Variants in SMG6 observed in about 807,000 individuals in gnomAD.
SMG6 encodes the protein SMG6 nonsense mediated mRNA decay factor, also known as telomerase-binding protein EST1A.
A neutral mutation model predicts 142.2 loss-of-function variants in SMG6; 66 were observed. The ratio of observed to expected loss-of-function variants is 0.46; its 90% CI spans 0.38 to 0.57. SMG6 has a LOEUF of 0.57. Among genes scored for constraint, SMG6 ranks in the 20% least tolerant of loss-of-function variants. The probability of loss-of-function intolerance (pLI) is 0.00; values close to 1 mark genes in which losing one functional copy is unlikely to be tolerated. For missense variants in SMG6, 1,793 were observed against 1,832.0 expected, an observed-to-expected ratio of 0.98 and a Z score of 0.39; for synonymous variants, 779 against 702.4, an observed-to-expected ratio of 1.11 and a Z score of -1.72.
chr17:2,188,613 G>A (rs570702209), intron 10 of SMG6, 98 bp from the exon 11 acceptor site: 2 of 1,001,230 alleles, frequency 2.0e-6, no homozygotes, highest in East Asian at 2.5e-5. Flanking sequence ...GAAGACTAGG[G>A]CTAGTGATAT....
intron 5 of SMG6, 22 bp downstream of exon 5, chr17:2,292,849 A>T: frequency 6.3e-7 from 1 of 1,598,860 alleles, no homozygotes; most frequent in African/African-American, 1.3e-5. Context: ...GAAGAGAAAT[A>T]ACGAAGCAGA....
intron 8 of SMG6, among the ~76,000 whole-genome samples, chr17:2,277,132 C>CATTTATTTATTT (rs3054906): frequency 1.5e-5 from 2 of 133,834 alleles, no homozygotes; most frequent in African/African-American, 5.4e-5. Context: ...AGTATTTACA[C>CATTTATTTATTT]ATTTATTTAT....
chr17:2,109,582 A>G (rs1381926385), intron 13 of SMG6, among the ~76,000 whole-genome samples: 1 of 152,148 alleles, frequency 6.6e-6, no homozygotes, highest in East Asian at 1.9e-4. Context: ...TCTTTATTAA[A>G]TATTTTCAAG....
chr17:2,061,943 T>G, intron 18 of SMG6: 1 of 233,014 alleles, frequency 4.3e-6, no homozygotes, highest in Non-Finnish European at 8.6e-6. Flanking sequence ...CCTTGACCTC[T>G]ACTCCTTTTT....
At chr17:2,215,572 C>G (rs923413251) in intron 10 of SMG6, 1 of 152,104 alleles carries the variant, frequency 6.6e-6, no homozygotes, top group Admixed American at 6.6e-5. Flanking sequence ...TAGTTTGATA[C>G]TGATGTCAAC....
intron 4 of SMG6, among the ~76,000 whole-genome samples, chr17:2,294,697 C>T (rs1165398125): frequency 2.6e-5 from 4 of 152,142 alleles, no homozygotes; most frequent in Non-Finnish European, 5.9e-5. Context: ...TAACCCTTTA[C>T]AGTATACACC....
intron 8 of SMG6, among the ~76,000 whole-genome samples, chr17:2,262,588 T>C (rs1305696014): frequency 6.6e-6 from 1 of 152,206 alleles, no homozygotes; most frequent in Non-Finnish European, 1.5e-5. Context: ...CTACCTAAAA[T>C]ACTTCTTTGA....
At chr17:2,237,130 C>T (rs1880493192) in intron 9 of SMG6, 1 of 151,190 alleles carries the variant, frequency 6.6e-6, no homozygotes, top group South Asian at 2.1e-4. Context: ...TTTTTTCGCC[C>T]AATCTCGGCT....
At chr17:2,107,752 CAGAG>C (rs147360965) in intron 13 of SMG6, among the ~76,000 whole-genome samples, 3 of 151,584 alleles carry the variant, frequency 2.0e-5, no homozygotes, top group Non-Finnish European at 2.9e-5. Context: ...TGGATGGGGC[CAGAG>C]AGAGAGAGAA....
chr17:2,145,771 A>G (rs1055814386), intron 13 of SMG6, among the ~76,000 whole-genome samples: 1 of 152,096 alleles, frequency 6.6e-6, no homozygotes, highest in Non-Finnish European at 1.5e-5. Context: ...CACAGAGAGG[A>G]AAATCCATTC....
chr17:2,297,274 A>G lies in SMG6; in HGVS notation c.2120T>C (p.Leu707Pro). The change falls in exon 4 of 19, where the codon CTT becomes CCT. Residue 707 changes from leucine (L) to proline (P), a missense_variant. Transcript: ENST00000263073. ...GCGTAATGGCTTGCTGCGAATGGCA[A>G]GACCATCCATGTAGTCTTCCAGTTT... Reference protein sequence around the residue: ...KFKLEDYMDGLAIRSKPLRKT... With the variant: ...KFKLEDYMDGPAIRSKPLRKT... The G allele has an allele frequency of 6.2e-7, 1 of 1,611,018 alleles. No individual in the cohort carries two copies. The highest frequency in any genetic ancestry group is 8.5e-7 in the Non-Finnish European group (1 of 1,178,938).
In SMG6 at chr17:2,088,421, C is replaced by T. The variant is rs560463634; in HGVS notation, c.3358-2520G>A. 10 of 985,326 alleles carry T rather than the reference C, an allele frequency of 1.0e-5. No individual in the cohort carries two copies. In the African/African-American group the frequency reaches 1.7e-4, roughly 17 times the overall value. 61.0% of individuals were successfully genotyped at this position (985,326 alleles called of 1,614,324 possible). On this transcript the variant is annotated intron_variant, in intron 13 of 18. Transcript: ENST00000263073. ...ATGGACACAAGCAACGAGGAGTAGCCCTCTCCCAGTTTTCATTTCCGCCCC... is the reference window on the plus strand; with the variant it reads ...ATGGACACAAGCAACGAGGAGTAGCTCTCTCCCAGTTTTCATTTCCGCCCC...
At chr17:2,302,049 T>G (rs574247716) in intron 1 of SMG6, among the ~76,000 whole-genome samples, 11 of 145,320 alleles carry the variant, frequency 7.6e-5, no homozygotes, top group African/African-American at 2.6e-4. Context: ...GGCCAGGAGT[T>G]CGAGATCAGC....
At chr17:2,241,875 A>G in intron 9 of SMG6, among the ~76,000 whole-genome samples, 1 of 152,328 alleles carries the variant, frequency 6.6e-6, no homozygotes. Context: ...TTATTCCCAA[A>G]AGTCTCTAAC....
At chr17:2,144,302 G>C (rs534381330) in intron 13 of SMG6, among the ~76,000 whole-genome samples, 1 of 152,064 alleles carries the variant, frequency 6.6e-6, no homozygotes, top group East Asian at 1.9e-4. Context: ...CCTGACTTCA[G>C]GTGATCTGCC....
chr17:2,298,435 T>C (rs192930153), intron 2 of SMG6, among the ~76,000 whole-genome samples: 102 of 152,254 alleles, frequency 6.7e-4, no homozygotes, highest in African/African-American at 2.3e-3. Context: ...AGACTAGAAA[T>C]AGGGCCGGGC....
chr17:2,258,024 A>ATATATATAT (rs1399835993), intron 8 of SMG6, among the ~76,000 whole-genome samples: 9 of 57,674 alleles, frequency 1.6e-4, no homozygotes, highest in African/African-American at 2.9e-4. Context: ...AAAAAAAAAA[A>ATATATATAT]AAAAAAAAAA....
At chr17:2,097,425 C>A (rs768491581) in intron 13 of SMG6, among the ~76,000 whole-genome samples, 1 of 152,134 alleles carries the variant, frequency 6.6e-6, no homozygotes, top group Non-Finnish European at 1.5e-5. Context: ...CATGAGTCAC[C>A]ACGTCCAGCC....
intron 13 of SMG6, among the ~76,000 whole-genome samples, chr17:2,140,054 T>A (rs990802666): frequency 8.6e-5 from 13 of 150,418 alleles, no homozygotes; most frequent in Admixed American, 1.3e-4. Flanking sequence ...TAATTTTTTT[T>A]AAACTGTTAA....
Sources: gnomAD v4.1 joint callset for allele counts (sites outside exome capture counted in the v4.1 genomes callset) on GRCh38, gnomAD v4.1.1 for gene constraint, MANE v1.5 for transcripts, NCBI Gene and HGNC (gene_info 2026-07-23, HGNC 2026-07-21) for gene names.